The following KIRREL3 variants were observed in gnomAD, a reference collection of about 807,000 sequenced individuals.
KIRREL3 encodes the protein kirre like nephrin family adhesion molecule 3, also known as kin of IRRE-like protein 3.
A neutral mutation model predicts 89.7 loss-of-function variants in KIRREL3; 36 were observed. That is an observed-to-expected ratio of 0.40 (90% confidence interval 0.31 to 0.53). The LOEUF is 0.53. Among genes scored for constraint, KIRREL3 ranks in the 20% least tolerant of loss-of-function variants. The pLI is 0.49. For synonymous variants in KIRREL3, 445 were observed against 441.4 expected, an observed-to-expected ratio of 1.01 and a Z score of -0.10; for missense variants, 864 against 1,056.6, an observed-to-expected ratio of 0.82 and a Z score of 2.53.
At chr11:126,691,878 A>G (rs779621508) in intron 1 of KIRREL3, among the ~76,000 whole-genome samples, 5 of 152,288 alleles carry the variant, frequency 3.3e-5, no homozygotes, top group Non-Finnish European at 7.3e-5. Flanking sequence ...ACATTTCTCC[A>G]AAGATGATTT....
chr11:126,780,963 G>C lies in KIRREL3; in HGVS notation c.56-218051C>G, dbSNP rs1301403177. Among the ~76,000 whole-genome samples the C allele has an allele frequency of 6.6e-6, 1 of 152,184 alleles. No homozygotes were observed. The highest frequency in any genetic ancestry group is 1.5e-5 in the Non-Finnish European group (1 of 68,036). ...TATCATAGATGCTAAATAAAAGTTT[G>C]TATTTTCTCCCTGGATACAGCTAGC... On this transcript the variant is annotated intron_variant, in intron 1 of 16. Transcript: ENST00000525144. The surrounding 1 kb of genome is among the most constrained non-coding windows in gnomAD (Gnocchi z 5.3).
chr11:126,593,736 G>T (rs1384744327), intron 1 of KIRREL3, among the ~76,000 whole-genome samples: 1 of 152,188 alleles, frequency 6.6e-6, no homozygotes, highest in African/African-American at 2.4e-5. Context: ...AAGCCTTAGG[G>T]AGAGAGAACA....
Position 126,780,230 on chromosome 11 carries a change from C to T in KIRREL3, c.56-217318G>A, listed in dbSNP as rs1246072816. ...AAGAAGATAAGGAAGCAACAGAAACCCCAGCTAGCGTGGGTGTGTGGACTG... is the reference window on the plus strand; with the variant it reads ...AAGAAGATAAGGAAGCAACAGAAACTCCAGCTAGCGTGGGTGTGTGGACTG... On this transcript the variant is annotated intron_variant, in intron 1 of 16. Coordinates refer to ENST00000525144, the MANE Select transcript of KIRREL3 (RefSeq NM_032531.4). This position sits in a 1 kb window ranked among gnomAD's most constrained non-coding sequence, Gnocchi z 5.3. Among the ~76,000 whole-genome samples the T allele has an allele frequency of 6.6e-6, 1 of 152,098 alleles. No individual in the cohort carries two copies. The highest frequency in any genetic ancestry group is 1.5e-5 in the Non-Finnish European group (1 of 68,008).
chr11:126,451,426 G>A (rs1045523119), intron 7 of KIRREL3, among the ~76,000 whole-genome samples: 2 of 150,102 alleles, frequency 1.3e-5, no homozygotes, highest in Non-Finnish European at 3.0e-5. Context: ...GCATGTGTGA[G>A]CGTGTGCATG....
intron 1 of KIRREL3, among the ~76,000 whole-genome samples, chr11:126,809,626 C>A (rs941668774): frequency 3.9e-5 from 6 of 152,208 alleles, no homozygotes; most frequent in Non-Finnish European, 5.9e-5. Flanking sequence ...TTAATTCAAT[C>A]GCTGTATGCT....
At position 126,578,794 on chromosome 11, in the gene KIRREL3, T is replaced by A. The variant is rs1941390670; in HGVS notation, c.56-15882A>T. 6.6e-6 allele frequency among the ~76,000 whole-genome samples: 1 copy of A among 152,148 alleles called. No homozygotes were observed. The highest frequency in any genetic ancestry group is 1.5e-5 in the Non-Finnish European group (1 of 68,018). On this transcript the variant is annotated intron_variant, in intron 1 of 16. Coordinates refer to ENST00000525144, the MANE Select transcript of KIRREL3 (RefSeq NM_032531.4). The surrounding 1 kb of genome is among the most constrained non-coding windows in gnomAD (Gnocchi z 4.9). The stretch of plus-strand genomic sequence containing the variant: ...TCCCCTGTCCCTGGAGATGTAAAAG[T>A]TCCAGGCTCTCCTACCACACCTAGG...
rs1019195008 is a variant in KIRREL3, at chr11:126,890,280, A to C, written c.55+110175T>G. On this transcript the variant is annotated intron_variant, in intron 1 of 16. Coordinates refer to ENST00000525144, the MANE Select transcript of KIRREL3 (RefSeq NM_032531.4). The surrounding 1 kb of genome is among the most constrained non-coding windows in gnomAD (Gnocchi z 5.1). ...GCCTTCCGAGAGTGCCTCATACCTA[A>C]GACAGTCAGCCCTGACCAGCAACAA... is the stretch of plus-strand genomic sequence containing the variant. Among the ~76,000 whole-genome samples the C allele has an allele frequency of 2.0e-5, 3 of 152,180 alleles. No individual in the cohort carries two copies. Among genetic ancestry groups the C allele is most frequent in the Non-Finnish European group, 2.9e-5 (2 of 68,032 alleles).
At chr11:126,828,636 C>T (rs1222014232) in intron 1 of KIRREL3, among the ~76,000 whole-genome samples, 1 of 152,088 alleles carries the variant, frequency 6.6e-6, no homozygotes, top group Non-Finnish European at 1.5e-5. Flanking sequence ...ATGGTGCTTC[C>T]TTAGGTCTGC....
In KIRREL3 at chr11:126,656,911, G is replaced by T. The variant is rs895948974; in HGVS notation, c.56-93999C>A. On this transcript the variant is annotated intron_variant, in intron 1 of 16. Coordinates refer to ENST00000525144, the MANE Select transcript of KIRREL3 (RefSeq NM_032531.4). The surrounding 1 kb of genome is among the most constrained non-coding windows in gnomAD (Gnocchi z 4.0). Reference sequence around the variant, plus strand: ...TACTAGGAATACAGGGGTTGGCTGGGCATGGTGGTGTGTGCTTGTGGTCCT... The same window carrying T: ...TACTAGGAATACAGGGGTTGGCTGGTCATGGTGGTGTGTGCTTGTGGTCCT... Among the ~76,000 whole-genome samples the T allele has an allele frequency of 2.0e-5, 3 of 152,074 alleles. No individual in the cohort carries two copies. Among genetic ancestry groups the T allele is most frequent in the Non-Finnish European group, 4.4e-5 (3 of 68,008 alleles).
In KIRREL3 at chr11:126,706,941, CTTT is replaced by C. The variant is rs574581679; in HGVS notation, c.56-144032_56-144030del. On this transcript the variant is annotated intron_variant, in intron 1 of 16. Transcript: ENST00000525144. The stretch of plus-strand genomic sequence containing the variant: ...TTTTTTTCCACAGATTGTTTTTTGA[CTTT>C]TTTTTTTTTTTTAAGAGATGGGGTC... 1.2e-3 allele frequency among the ~76,000 whole-genome samples: 162 copies of C among 136,496 alleles called. 2 individuals carry two copies. The South Asian group carries it at 0.028, about 23-fold the overall frequency. The allele number at this position is 136,496 out of a possible 152,430, so 89.5% of individuals were successfully genotyped here.
At chr11:126,446,277 TTCTTTCTC>T (rs1955801480) in intron 9 of KIRREL3, among the ~76,000 whole-genome samples, 11 of 117,032 alleles carry the variant, frequency 9.4e-5, no homozygotes, top group African/African-American at 2.9e-4. Flanking sequence ...TCTCTTTCTT[TTCTTTCTC>T]CTTTCTTTCT....
rs532610315 is a variant in KIRREL3, at chr11:126,782,569, G to C, written c.55+217886C>G. ...TCGTAGGTTTACAATTCTATATGCT[G>C]TACATGTGCACTGAAACTGAACAGT... On this transcript the variant is annotated intron_variant, in intron 1 of 16. Transcript: ENST00000525144. The surrounding 1 kb of genome is among the most constrained non-coding windows in gnomAD (Gnocchi z 4.1). Among the ~76,000 whole-genome samples, 5 of 152,274 alleles carry C rather than the reference G, an allele frequency of 3.3e-5. No individual in the cohort carries two copies. Among genetic ancestry groups the C allele is most frequent in the Admixed American group, 1.3e-4 (2 of 15,296 alleles).
chr11:126,849,834 G>A lies in KIRREL3; in HGVS notation c.55+150621C>T, dbSNP rs535736736. Among the ~76,000 whole-genome samples the A allele has an allele frequency of 5.3e-5, 8 of 152,278 alleles. No homozygotes were observed. The South Asian group carries it at 6.2e-4, about 12-fold the overall frequency. ...TGAGGATGGAGGTGCCTGGACGCAC[G>A]TTCACCATGGCACAGGCAGCAGTGA... On this transcript the variant is annotated intron_variant, in intron 1 of 16. Coordinates refer to ENST00000525144, the MANE Select transcript of KIRREL3 (RefSeq NM_032531.4).
At position 127,000,617 on chromosome 11, in the gene KIRREL3, C is replaced by T; in HGVS notation, c.-108G>A. 1 of 1,176,554 alleles carries T rather than the reference C, an allele frequency of 8.5e-7. No individual in the cohort carries two copies. Among genetic ancestry groups the T allele is most frequent in the Non-Finnish European group, 1.2e-6 (1 of 823,246 alleles). The allele number at this position is 1,176,554 out of a possible 1,614,324, so 72.9% of individuals were successfully genotyped here. On this transcript the variant is annotated 5_prime_UTR_variant, in exon 1 of 17. Coordinates refer to ENST00000525144, the MANE Select transcript of KIRREL3 (RefSeq NM_032531.4). The surrounding 1 kb of genome is among the most constrained non-coding windows in gnomAD (Gnocchi z 7.1). ...TCCGCCGGTCCTCTCGGGTTCGCGC[C>T]TACCATCTGTCCGTCCGTGGGTCCC...
chr11:126,495,519 G>A lies in KIRREL3; in HGVS notation c.434-22053C>T, dbSNP rs1957633313. Among the ~76,000 whole-genome samples, 1 of 152,120 alleles carries A rather than the reference G, an allele frequency of 6.6e-6. No homozygotes were observed. The highest frequency in any genetic ancestry group is 1.5e-5 in the Non-Finnish European group (1 of 68,028). The stretch of plus-strand genomic sequence containing the variant: ...GGTTGTGGCTGTTGTGTGTGTGGAC[G>A]TGTTGCTAGGAATGAGGGCCTGAGT... On this transcript the variant is annotated intron_variant, in intron 4 of 16. Transcript: ENST00000525144. The surrounding 1 kb of genome is among the most constrained non-coding windows in gnomAD (Gnocchi z 6.5).
chr11:126,563,438 G>A lies in KIRREL3; in HGVS notation c.56-526C>T, dbSNP rs754543240. ...AGTGATTGCGTGAGTTTAGGGCAGC[G>A]GGGCGACACAGAGGTTAAGGTATAG... On this transcript the variant is annotated intron_variant, in intron 1 of 16. Transcript: ENST00000525144. This position sits in a 1 kb window ranked among gnomAD's most constrained non-coding sequence, Gnocchi z 6.8. 2.6e-5 allele frequency among the ~76,000 whole-genome samples: 4 copies of A among 152,170 alleles called. No homozygotes were observed. The highest frequency in any genetic ancestry group is 2.1e-4 in the South Asian group (1 of 4,832).
chr11:126,435,036 A>G (rs896148233), intron 13 of KIRREL3, among the ~76,000 whole-genome samples: 1 of 152,018 alleles, frequency 6.6e-6, no homozygotes, highest in African/African-American at 2.4e-5. Flanking sequence ...GAGAGGAAGG[A>G]GTTGTGGGTT....
intron 1 of KIRREL3, among the ~76,000 whole-genome samples, chr11:126,949,501 C>A (rs2000971): frequency 0.89 from 135,099 of 152,226 alleles, 60,073 homozygotes; most frequent in Middle Eastern, 0.96. Flanking sequence ...CACAAAGATG[C>A]ATTTCCGCCT....
chr11:126,703,443 T>C lies in KIRREL3; in HGVS notation c.56-140531A>G. 6.6e-6 allele frequency among the ~76,000 whole-genome samples: 1 copy of C among 152,224 alleles called. No homozygotes were observed. Among genetic ancestry groups the C allele is most frequent in the Non-Finnish European group, 1.5e-5 (1 of 68,034 alleles). ...ATCAGCTGTTATGTGCCAGGCTCTGTGCTAAGTGCTTTACATTTTATCCTC... is the reference window on the plus strand; with the variant it reads ...ATCAGCTGTTATGTGCCAGGCTCTGCGCTAAGTGCTTTACATTTTATCCTC... On this transcript the variant is annotated intron_variant, in intron 1 of 16. Coordinates refer to ENST00000525144, the MANE Select transcript of KIRREL3 (RefSeq NM_032531.4). This position sits in a 1 kb window ranked among gnomAD's most constrained non-coding sequence, Gnocchi z 4.6.
Sources: gnomAD v4.1 joint callset for allele counts (sites outside exome capture counted in the v4.1 genomes callset) on GRCh38, gnomAD v4.1.1 for gene constraint, Gnocchi (gnomAD v3.1) non-coding constraint, MANE v1.5 for transcripts, NCBI Gene and HGNC (gene_info 2026-07-23, HGNC 2026-07-21) for gene names.